UFL1: variants seen among roughly 807,000 people sequenced by gnomAD.
The protein encoded by UFL1 is E3 UFM1-protein ligase 1.
UFL1 carries 78 observed loss-of-function variants against 99.3 expected under a neutral mutation model. That is an observed-to-expected ratio of 0.79 (90% CI 0.65 to 0.95). The LOEUF is 0.95. Among genes scored for constraint, UFL1 ranks in the 40% least tolerant of loss-of-function variants. The probability of loss-of-function intolerance (pLI) is 0.00; values close to 1 mark genes in which losing one functional copy is unlikely to be tolerated. For synonymous variants in UFL1, 335 were observed against 322.2 expected, an observed-to-expected ratio of 1.04 and a Z score of -0.42; for missense variants, 936 against 937.0, an observed-to-expected ratio of 1.00 and a Z score of 0.01.
chr6:96,545,686 A>G (rs1769988664), intron 12 of UFL1, among the ~76,000 whole-genome samples: 1 of 151,258 alleles, frequency 6.6e-6, no homozygotes, highest in Non-Finnish European at 1.5e-5. Context: ...TTGTTTTGAA[A>G]TACTTGTTTT....
intron 13 of UFL1, among the ~76,000 whole-genome samples, chr6:96,548,786 C>T (rs1408064006): frequency 6.6e-6 from 1 of 151,652 alleles, no homozygotes; most frequent in African/African-American, 2.4e-5. Context: ...TTATGTATAA[C>T]TTGACCATTA....
At chr6:96,529,126 C>T (rs1011637122) in intron 6 of UFL1, among the ~76,000 whole-genome samples, 1 of 152,160 alleles carries the variant, frequency 6.6e-6, no homozygotes, top group African/African-American at 2.4e-5. Flanking sequence ...AACAATGTTA[C>T]TTGCAAAGTC....
chr6:96,539,799 T>C (rs1769904911), intron 10 of UFL1, among the ~76,000 whole-genome samples: 1 of 151,614 alleles, frequency 6.6e-6, no homozygotes, highest in South Asian at 2.1e-4. Flanking sequence ...TTATCACTTT[T>C]CTTCTTTCCT....
At chr6:96,545,188 G>C (rs913606995) in intron 12 of UFL1, among the ~76,000 whole-genome samples, 1 of 150,860 alleles carries the variant, frequency 6.6e-6, no homozygotes, top group South Asian at 2.1e-4. Context: ...TATTTATAGT[G>C]AAAATTGATT....
rs750603247 is a variant in UFL1, at chr6:96,523,301, T to G, written c.223+10T>G. The G allele has an allele frequency of 6.4e-7, 1 of 1,570,378 alleles. No individual in the cohort carries two copies. The highest frequency in any genetic ancestry group is 2.3e-5 in the East Asian group (1 of 44,426). On this transcript the variant is annotated intron_variant, in intron 2 of 18. Transcript: ENST00000369278. Reference sequence around the variant, plus strand: ...CTACATGTCCGAGGTGGTAGGTAATTCTTTAGTGTTTTTTTTTTTCTTGGA... The same window carrying G: ...CTACATGTCCGAGGTGGTAGGTAATGCTTTAGTGTTTTTTTTTTTCTTGGA...
In UFL1 at chr6:96,528,729, G is replaced by A. The variant is rs538858088; in HGVS notation, c.596+97G>A. The A allele has an allele frequency of 4.3e-3, 6,082 of 1,401,828 alleles. 16 individuals carry two copies. Among genetic ancestry groups the A allele is most frequent in the Admixed American group, 5.4e-3 (207 of 38,382 alleles). The allele number at this position is 1,401,828 out of a possible 1,614,324, so 86.8% of individuals were successfully genotyped here. On this transcript the variant is annotated intron_variant, in intron 6 of 18. Transcript: ENST00000369278. ...GAATCTTTTTCTTTGTTTTAATAAA[G>A]TCTCATTTAGGACCCCAGTTTATTA...
At position 96,549,448 on chromosome 6, in the gene UFL1, A is replaced by C; in HGVS notation, c.1557A>C (p.Ser519=). Residue 519 remains serine (S), a synonymous_variant, in exon 14 of 19, where the codon TCA becomes TCC. Transcript: ENST00000369278. ...AAACTTATCTCGAGGTGGTACGTTC[A>C]GTATTCATGTCTTCAACAACTTCTG... ...LNKTYLEVVR[S]VFMSSTTSAS... is the part of the protein sequence containing the mutation. The C allele has an allele frequency of 6.3e-7, 1 of 1,597,424 alleles. No homozygotes were observed. Among genetic ancestry groups the C allele is most frequent in the South Asian group, 1.2e-5 (1 of 86,868 alleles).
chr6:96,522,193 C>A (rs1433137626), intron 1 of UFL1, among the ~76,000 whole-genome samples: 1 of 152,178 alleles, frequency 6.6e-6, no homozygotes, highest in African/African-American at 2.4e-5. Context: ...CTGGCGCGCC[C>A]CGCCCCACCA....
At chr6:96,540,897 G>GT (rs1204610698) in intron 11 of UFL1, among the ~76,000 whole-genome samples, 1 of 151,248 alleles carries the variant, frequency 6.6e-6, no homozygotes, top group Non-Finnish European at 1.5e-5. Flanking sequence ...CTCATCTCTT[G>GT]TTTTTCCCCA....
At chr6:96,532,956 A>C (rs1230939568) in intron 6 of UFL1, among the ~76,000 whole-genome samples, 1 of 152,182 alleles carries the variant, frequency 6.6e-6, no homozygotes, top group Admixed American at 6.5e-5. Flanking sequence ...AAAACACAGA[A>C]GTTTTAAATA....
intron 5 of UFL1, 23 bp downstream of exon 5, chr6:96,526,458 A>G (rs759360534): frequency 1.3e-6 from 2 of 1,575,446 alleles, no homozygotes; most frequent in East Asian, 2.2e-5. Flanking sequence ...CTAATAATAC[A>G]ATGTGTCTTT....
At chr6:96,529,858 T>TTTCC (rs1769756689) in intron 6 of UFL1, among the ~76,000 whole-genome samples, 2 of 152,294 alleles carry the variant, frequency 1.3e-5, no homozygotes, top group South Asian at 2.1e-4. Flanking sequence ...AATGAAATGA[T>TTTCC]TTCCTCCCTC....
In UFL1 at chr6:96,549,727, T is replaced by C. The variant is rs1057089131; in HGVS notation, c.1746T>C (p.Thr582=). ...HLLKSVCTDI[T]NLIFNFLASD... ...TGAAGTCAGTGTGTACTGATATCACTAACCTCATTTTCAACTTCTTAGCTT... is the reference window on the plus strand; with the variant it reads ...TGAAGTCAGTGTGTACTGATATCACCAACCTCATTTTCAACTTCTTAGCTT... The change falls in exon 15 of 19, where the codon ACT becomes ACC. Residue 582 remains threonine, a synonymous_variant. Transcript: ENST00000369278. The C allele has an allele frequency of 1.9e-6, 3 of 1,612,346 alleles. No homozygotes were observed. In the African/African-American group the frequency reaches 4.0e-5, roughly 22 times the overall value.
At chr6:96,522,483 A>G (rs1562249242) in intron 1 of UFL1, among the ~76,000 whole-genome samples, 1 of 152,156 alleles carries the variant, frequency 6.6e-6, no homozygotes, top group Non-Finnish European at 1.5e-5. Flanking sequence ...CAAGCCCACT[A>G]ACCTTTGGAG....
chr6:96,542,787 G>C, intron 11 of UFL1, 107 bp from the exon 12 acceptor site: 1 of 1,141,244 alleles, frequency 8.8e-7, no homozygotes, highest in South Asian at 2.8e-5. Flanking sequence ...TCTTTATTTT[G>C]CCTTTATTTT....
chr6:96,540,349 C>T (rs948324916), intron 10 of UFL1, among the ~76,000 whole-genome samples, 186 bp from the exon 11 acceptor site: 3 of 151,392 alleles, frequency 2.0e-5, no homozygotes, highest in Non-Finnish European at 3.0e-5. Context: ...AGGTCAAGAG[C>T]AGCAAGAGAA....
intron 9 of UFL1, among the ~76,000 whole-genome samples, chr6:96,537,807 G>A (rs1305609425): frequency 6.6e-6 from 1 of 151,848 alleles, no homozygotes; most frequent in Non-Finnish European, 1.5e-5. Context: ...TCCTGATAAA[G>A]AATTGATGAG....
At chr6:96,537,650 C>T (rs968176543) in intron 9 of UFL1, 101 bp downstream of exon 9, 3 of 1,180,284 alleles carry the variant, frequency 2.5e-6, no homozygotes, top group Non-Finnish European at 2.3e-6. Flanking sequence ...GTGGTCTTGG[C>T]TTTGGAGGCA....
rs1770108959 is a variant in UFL1, at chr6:96,553,369, T to C, written c.2251T>C (p.Tyr751His). The C allele has an allele frequency of 6.2e-7, 1 of 1,613,692 alleles. No individual in the cohort carries two copies. The highest frequency in any genetic ancestry group is 8.5e-7 in the Non-Finnish European group (1 of 1,179,832). ...SQSKKTGQGD[Y>H]PLNNELDKEQ... ...AAGTAAGAAGACTGGGCAGGGAGAT[T>C]ATCCCTTGAATAATGAATTAGACAA... Residue 751 changes from tyrosine to histidine, a missense_variant, in exon 19 of 19, where the codon TAT becomes CAT. Coordinates refer to ENST00000369278, the MANE Select transcript of UFL1 (RefSeq NM_015323.5).
Sources: gnomAD v4.1 joint callset for allele counts (sites outside exome capture counted in the v4.1 genomes callset) on GRCh38, gnomAD v4.1.1 for gene constraint, MANE v1.5 for transcripts, NCBI Gene and HGNC (gene_info 2026-07-23, HGNC 2026-07-21) for gene names.